The following RNASET2 variants were observed in gnomAD, a reference collection of about 807,000 sequenced individuals.
RNASET2 encodes ribonuclease 6.
In RNASET2, 28 loss-of-function variants were observed where a neutral mutation model predicts 33.9. The observed-to-expected ratio is 0.83, with a 90% CI of 0.61 to 1.13. RNASET2 has a LOEUF of 1.13. Ranked by LOEUF, RNASET2 falls within the 50% of genes most tolerant of loss-of-function variation. The probability of loss-of-function intolerance (pLI) is 0.00; values close to 1 mark genes in which losing one functional copy is unlikely to be tolerated. For synonymous variants in RNASET2, 123 were observed against 121.0 expected (o/e 1.02, Z -0.11); for missense variants, 330 against 319.9 (o/e 1.03, Z -0.24).
At position 166,922,785 on chromosome 6, in the gene RNASET2, C is replaced by A. The variant is rs577135929; in HGVS notation, c.*6803G>T. On this transcript the variant is annotated 3_prime_UTR_variant, in exon 9 of 9. Transcript: ENST00000508775. ...AGCTGTGTTCAGTACTGGGGCAGCACGAGCAGCCCACATCTCAGGGTGCAG... is the reference window on the plus strand; with the variant it reads ...AGCTGTGTTCAGTACTGGGGCAGCAAGAGCAGCCCACATCTCAGGGTGCAG... Among the ~76,000 whole-genome samples the A allele has an allele frequency of 6.6e-6, 1 of 152,142 alleles. No homozygotes were observed. Among genetic ancestry groups the A allele is most frequent in the South Asian group, 2.1e-4 (1 of 4,824 alleles).
intron 2 of RNASET2, among the ~76,000 whole-genome samples, chr6:166,951,789 T>C (rs988293311): frequency 6.6e-6 from 1 of 152,252 alleles, no homozygotes; most frequent in African/African-American, 2.4e-5. Context: ...TTTATATATT[T>C]TCTTTATTAT....
intron 6 of RNASET2, chr6:166,934,787 A>G (rs1207268728): frequency 6.5e-6 from 1 of 152,860 alleles, no homozygotes; most frequent in East Asian, 1.9e-4. Context: ...GTGCACTCCA[A>G]GATGTTCACA....
rs1169148457 is a variant in RNASET2, at chr6:166,927,475, C to T, written c.*2113G>A. 2.0e-5 allele frequency among the ~76,000 whole-genome samples: 3 copies of T among 152,050 alleles called. No individual in the cohort carries two copies. The highest frequency in any genetic ancestry group is 2.9e-5 in the Non-Finnish European group (2 of 68,030). On this transcript the variant is annotated 3_prime_UTR_variant, in exon 9 of 9. Coordinates refer to ENST00000508775, the MANE Select transcript of RNASET2 (RefSeq NM_003730.6). ...ATGCTACCTTGTTGGCGTCCCCATC[C>T]GCTCTCAAATGCTCACACTCATATA...
At position 166,956,195 on chromosome 6, in the gene RNASET2, C is replaced by T; in HGVS notation, c.-13G>A. 6.5e-7 allele frequency: 1 copy of T among 1,546,788 alleles called. No homozygotes were observed. The highest frequency in any genetic ancestry group is 8.7e-7 in the Non-Finnish European group (1 of 1,144,974). ...CTGCAGGGCGCATGGTGCCGACCTG[C>T]GGAGAGAACGCTGCCAGCTGCCGCT... On this transcript the variant is annotated 5_prime_UTR_variant, in exon 1 of 9. Coordinates refer to ENST00000508775, the MANE Select transcript of RNASET2 (RefSeq NM_003730.6).
chr6:166,931,482 C>G (rs1212558346), intron 7 of RNASET2: 6 of 347,658 alleles, frequency 1.7e-5, no homozygotes, highest in Non-Finnish European at 1.1e-5. Flanking sequence ...CCTTTCGCGG[C>G]CCATAAAGCT....
intron 2 of RNASET2, among the ~76,000 whole-genome samples, chr6:166,949,477 G>T (rs966301156): frequency 2.8e-5 from 4 of 143,366 alleles, no homozygotes; most frequent in African/African-American, 1.1e-4. Flanking sequence ...CTCCAGCCTG[G>T]GTGATAGAGC....
At chr6:166,947,931 G>A (rs1018637370) in intron 3 of RNASET2, among the ~76,000 whole-genome samples, 1 of 152,176 alleles carries the variant, frequency 6.6e-6, no homozygotes, top group Non-Finnish European at 1.5e-5. Flanking sequence ...AAATGTGTAC[G>A]AGACGTGCAT....
chr6:166,937,286 A>G (rs965067293), intron 6 of RNASET2, among the ~76,000 whole-genome samples: 3 of 152,076 alleles, frequency 2.0e-5, no homozygotes, highest in African/African-American at 7.2e-5. Flanking sequence ...ACAGGCATGC[A>G]CCACCACACC....
intron 6 of RNASET2, chr6:166,934,812 C>T (rs1778528184): frequency 6.6e-6 from 1 of 152,668 alleles, no homozygotes; most frequent in Non-Finnish European, 1.5e-5. Context: ...AATTTTATAC[C>T]CCATCACCAA....
chr6:166,955,594 C>CAG (rs1206156616), intron 1 of RNASET2: 20 of 992,292 alleles, frequency 2.0e-5, no homozygotes, highest in Non-Finnish European at 2.2e-5. Flanking sequence ...CCAAGCCTGC[C>CAG]ACCTGCTTTG....
At position 166,925,987 on chromosome 6, in the gene RNASET2, G is replaced by A. The variant is rs987931117; in HGVS notation, c.*3601C>T. 1.3e-5 allele frequency among the ~76,000 whole-genome samples: 2 copies of A among 152,192 alleles called. No homozygotes were observed. Among genetic ancestry groups the A allele is most frequent in the Non-Finnish European group, 2.9e-5 (2 of 68,040 alleles). On this transcript the variant is annotated 3_prime_UTR_variant, in exon 9 of 9. Coordinates refer to ENST00000508775, the MANE Select transcript of RNASET2 (RefSeq NM_003730.6). ...GGAGCAGAGAGCCATGGTTGGTTAC[G>A]GAGAGTGGCACAAACACGGTGCCAG...
In RNASET2 at chr6:166,928,187, C is replaced by G. The variant is rs1778336730; in HGVS notation, c.*1401G>C. Among the ~76,000 whole-genome samples the G allele has an allele frequency of 1.3e-5, 2 of 152,224 alleles. No individual in the cohort carries two copies. Among genetic ancestry groups the G allele is most frequent in the African/African-American group, 4.8e-5 (2 of 41,452 alleles). On this transcript the variant is annotated 3_prime_UTR_variant, in exon 9 of 9. Transcript: ENST00000508775. ...CAGGCTCTTACTGCAGAGCTTGTTTCCAGAGGGCCAGAGGCCGTCCTGTGT... is the reference window on the plus strand; with the variant it reads ...CAGGCTCTTACTGCAGAGCTTGTTTGCAGAGGGCCAGAGGCCGTCCTGTGT...
At chr6:166,930,935 G>C in intron 8 of RNASET2, 109 bp downstream of exon 8, 1 of 820,334 alleles carries the variant, frequency 1.2e-6, no homozygotes, top group African/African-American at 1.7e-5. Context: ...AGACACAAAT[G>C]CACAAATACA....
intron 7 of RNASET2, chr6:166,931,380 C>A: frequency 1.9e-6 from 1 of 529,898 alleles, no homozygotes; most frequent in South Asian, 2.1e-5. Flanking sequence ...GAGAGCAGAG[C>A]TCTCCTCCTC....
At position 166,938,937 on chromosome 6, in the gene RNASET2, A is replaced by C. The variant is rs1418731772; in HGVS notation, c.404T>G (p.Phe135Cys). Residue 135 changes from phenylalanine to cysteine, a missense_variant, in exon 6 of 9, where the codon TTT (phenylalanine) becomes TGT (cysteine). Physicochemically the swap from Phe to Cys is radical, Grantham distance 205. Coordinates refer to ENST00000508775, the MANE Select transcript of RNASET2 (RefSeq NM_003730.6). ...VDALNSQKKY[F>C]GRSLELYREL... ...CCTGTAGAGTTCCAGGCTTCTGCCAAAGTACTTCTTCTGGGAGTTGAGCGC... is the reference window on the plus strand; with the variant it reads ...CCTGTAGAGTTCCAGGCTTCTGCCACAGTACTTCTTCTGGGAGTTGAGCGC... 1 of 1,613,840 alleles carries C rather than the reference A, an allele frequency of 6.2e-7. No individual in the cohort carries two copies. Among genetic ancestry groups the C allele is most frequent in the Non-Finnish European group, 8.5e-7 (1 of 1,179,972 alleles).
At chr6:166,929,852 A>C (rs1778378069) in intron 8 of RNASET2, 61 bp from the exon 9 acceptor site, 2 of 1,494,748 alleles carry the variant, frequency 1.3e-6, no homozygotes, top group African/African-American at 1.4e-5. Flanking sequence ...TCAAGGTCTT[A>C]AGATCATGAA....
At chr6:166,939,160 T>C (rs1031344619) in intron 5 of RNASET2, 152 bp from the exon 6 acceptor site, 4 of 689,052 alleles carry the variant, frequency 5.8e-6, no homozygotes, top group Admixed American at 4.1e-5. Flanking sequence ...ATGGTGAAAC[T>C]GTCTCTACTA....
At chr6:166,930,757 C>T (rs1292153376) in intron 8 of RNASET2, among the ~76,000 whole-genome samples, 1 of 149,942 alleles carries the variant, frequency 6.7e-6, no homozygotes. Flanking sequence ...CACATGCACA[C>T]ACAGGACATG....
intron 4 of RNASET2, 87 bp from the exon 5 acceptor site, chr6:166,943,176 A>G: frequency 1.1e-6 from 1 of 900,310 alleles, no homozygotes; most frequent in Non-Finnish European, 1.8e-6. Flanking sequence ...ACTGACACCA[A>G]AGAATTGAGC....
Sources: gnomAD v4.1 joint callset for allele counts (sites outside exome capture counted in the v4.1 genomes callset) on GRCh38, gnomAD v4.1.1 for gene constraint, MANE v1.5 for transcripts, NCBI Gene and HGNC (gene_info 2026-07-23, HGNC 2026-07-21) for gene names.